Variants in DLGAP2 observed in about 807,000 individuals in gnomAD.
The protein encoded by DLGAP2 is DLG associated protein 2.
Under a neutral mutation model 100.3 loss-of-function variants are expected in DLGAP2, and 26 were observed. That is an observed-to-expected ratio of 0.26 (90% CI 0.19 to 0.36). The LOEUF is 0.36. Ranked by LOEUF, DLGAP2 falls within the 10% of genes least tolerant of loss-of-function variation. The pLI is 1.00. For synonymous variants in DLGAP2, 886 were observed against 630.1 expected (o/e 1.41, Z -6.08); for missense variants, 1,858 against 1,453.2 (o/e 1.28, Z -4.53).
intron 10 of DLGAP2, among the ~76,000 whole-genome samples, chr8:1,675,061 C>G (rs1216304934): frequency 1.3e-5 from 2 of 152,154 alleles, no homozygotes; most frequent in Non-Finnish European, 2.9e-5. Context: ...CTCCTGTAGC[C>G]CGTCTCACCC....
rs180972169 is a variant in DLGAP2, at chr8:1,481,724, C to T, written c.107-19642C>T. 1.5e-3 allele frequency among the ~76,000 whole-genome samples: 230 copies of T among 152,092 alleles called. 2 individuals carry two copies. Among genetic ancestry groups the T allele is most frequent in the African/African-American group, 5.3e-3 (218 of 41,506 alleles). On this transcript the variant is annotated intron_variant, in intron 3 of 14. Transcript: ENST00000637795. ...AACTCCTGACATCAGGTGATCCACC[C>T]GCCTCAGCCTCCCAAAGTTCTGGGA...
chr8:1,368,752 C>T (rs190847718), intron 3 of DLGAP2: 6 of 152,318 alleles, frequency 3.9e-5, no homozygotes, highest in Admixed American at 3.9e-4. Context: ...TATCTGCTGA[C>T]TCCAGAAATA....
intron 3 of DLGAP2, among the ~76,000 whole-genome samples, chr8:1,450,981 C>G (rs994120076): frequency 6.6e-6 from 1 of 152,098 alleles, no homozygotes. Flanking sequence ...CGTAAGGGCG[C>G]CAGTGACAAG....
chr8:801,773 T>C (rs190349645), intron 1 of DLGAP2, among the ~76,000 whole-genome samples: 26 of 152,292 alleles, frequency 1.7e-4, no homozygotes, highest in African/African-American at 6.0e-4. Flanking sequence ...CAATAGGCTG[T>C]TTCTCTCCTG....
chr8:1,461,869 C>G (rs1375185029), intron 3 of DLGAP2, among the ~76,000 whole-genome samples: 1 of 8,512 alleles, frequency 1.2e-4, no homozygotes, highest in Middle Eastern at 0.062. Context: ...GTCGCTGATT[C>G]GGTGACCAGG....
rs185174264 is a variant in DLGAP2 at position 866,297 on chromosome 8, C to A, written c.19-41615C>A. The stretch of plus-strand genomic sequence containing the variant: ...CTCTTCTACAAGGGGCCCTGATTCC[C>A]CCTTCCAGTGTCTTGTCCAGGAAAC... On this transcript the variant is annotated intron_variant, in intron 1 of 14. Transcript: ENST00000637795. Among the ~76,000 whole-genome samples, 101 of 152,330 alleles carry A rather than the reference C, an allele frequency of 6.6e-4. 1 individual carries two copies. The highest frequency in any genetic ancestry group is 1.7e-3 in the African/African-American group (71 of 41,586).
chr8:1,002,172 G>A (rs975847963), intron 2 of DLGAP2: 1 of 152,134 alleles, frequency 6.6e-6, no homozygotes, highest in Non-Finnish European at 1.5e-5. Flanking sequence ...GCTAAGGAGG[G>A]GGAGCCTGGG....
intron 1 of DLGAP2, among the ~76,000 whole-genome samples, chr8:787,260 G>T (rs1821893270): frequency 6.6e-6 from 1 of 152,036 alleles, no homozygotes. Flanking sequence ...AGTAACTATG[G>T]CAGAGCCTGA....
chr8:1,335,622 G>T (rs1284263405), intron 3 of DLGAP2, among the ~76,000 whole-genome samples: 1 of 152,102 alleles, frequency 6.6e-6, no homozygotes, highest in Non-Finnish European at 1.5e-5. Flanking sequence ...GGGAAGCTTT[G>T]GACTGGTCAT....
chr8:1,641,419 A>G (rs186176806), intron 8 of DLGAP2, among the ~76,000 whole-genome samples: 4 of 152,326 alleles, frequency 2.6e-5, no homozygotes, highest in African/African-American at 7.2e-5. Context: ...GACTGGAATT[A>G]CAACATGAAT....
intron 12 of DLGAP2, among the ~76,000 whole-genome samples, chr8:1,682,613 TAC>T (rs1449559290): frequency 2.6e-5 from 4 of 151,694 alleles, no homozygotes; most frequent in Non-Finnish European, 5.9e-5. Flanking sequence ...TAGCTGGGAC[TAC>T]AGACACGCAC....
chr8:1,636,765 C>A (rs1416179946), intron 8 of DLGAP2, among the ~76,000 whole-genome samples: 1 of 152,166 alleles, frequency 6.6e-6, no homozygotes, highest in Non-Finnish European at 1.5e-5. Flanking sequence ...TACTGTGTAA[C>A]TGATATGCAA....
At chr8:1,273,150 C>T in intron 3 of DLGAP2, among the ~76,000 whole-genome samples, 1 of 152,172 alleles carries the variant, frequency 6.6e-6, no homozygotes, top group Non-Finnish European at 1.5e-5. Context: ...GCAGAGCTGT[C>T]TCTGGAAGGT....
intron 1 of DLGAP2, among the ~76,000 whole-genome samples, chr8:892,274 A>G (rs1389784282): frequency 6.6e-6 from 1 of 152,212 alleles, no homozygotes; most frequent in East Asian, 1.9e-4. Flanking sequence ...GCTTGTGCAC[A>G]GCAGCCAGAG....
intron 2 of DLGAP2, among the ~76,000 whole-genome samples, chr8:1,201,729 T>C (rs920507836): frequency 2.0e-5 from 3 of 152,304 alleles, no homozygotes; most frequent in African/African-American, 7.2e-5. Context: ...CAGAGCACAT[T>C]TCCCTGTGAG....
At chr8:745,810 A>G (rs1266519090) in intron 1 of DLGAP2, among the ~76,000 whole-genome samples, 1 of 152,250 alleles carries the variant, frequency 6.6e-6, no homozygotes, top group African/African-American at 2.4e-5. Flanking sequence ...AGAACGGACT[A>G]TAAGACAGTA....
intron 10 of DLGAP2, among the ~76,000 whole-genome samples, chr8:1,670,931 G>T (rs1336652425): frequency 6.6e-6 from 1 of 152,240 alleles, no homozygotes; most frequent in Non-Finnish European, 1.5e-5. Flanking sequence ...GAGGGGAGCT[G>T]CAGACGGCAG....
At chr8:1,474,500 T>G (rs954139185) in intron 3 of DLGAP2, among the ~76,000 whole-genome samples, 1 of 152,224 alleles carries the variant, frequency 6.6e-6, no homozygotes, top group Admixed American at 6.5e-5. Context: ...CCACCAGCAG[T>G]GCAGAAGTGT....
At chr8:1,467,426 G>A (rs958011526) in intron 3 of DLGAP2, among the ~76,000 whole-genome samples, 1 of 150,342 alleles carries the variant, frequency 6.7e-6, no homozygotes, top group Non-Finnish European at 1.5e-5. Context: ...AGGAGCTCCA[G>A]AGAGACCCAG....
Sources: allele counts gnomAD v4.1 joint callset (sites outside exome capture counted in the v4.1 genomes callset), GRCh38; gene constraint gnomAD v4.1.1; transcripts MANE v1.5; gene names NCBI Gene and HGNC (gene_info 2026-07-23, HGNC 2026-07-21).